Variants in COL7A1 observed in about 807,000 individuals in gnomAD.
The protein encoded by COL7A1 is collagen type VII alpha 1 chain.
Under a neutral mutation model 456.2 loss-of-function variants are expected in COL7A1, and 296 were observed. That is an observed-to-expected ratio of 0.65 (90% CI 0.59 to 0.71). The LOEUF (loss-of-function observed/expected upper bound fraction) is 0.71, where lower values mean the gene tolerates loss of function less well. COL7A1 is among the 30% of genes least tolerant of loss of function. The pLI, the probability that COL7A1 is intolerant of heterozygous loss-of-function variation, is 0.00. For missense variants in COL7A1, 3,441 were observed against 4,017.2 expected, an observed-to-expected ratio of 0.86 and a Z score of 3.88; for synonymous variants, 1,464 against 1,525.9, an observed-to-expected ratio of 0.96 and a Z score of 0.95.
rs746772423 is a variant in COL7A1, at chr3:48,581,558, C to T, written c.4782+15G>A. On this transcript the variant is annotated intron_variant, in intron 50 of 118. Transcript: ENST00000681320. This position sits in a 1 kb window ranked among gnomAD's most constrained non-coding sequence, Gnocchi z 5.8. ...ATCTCCCTCTGTCACACTCCCCATT[C>T]CCACATTGATTCACCCGGTCTCCAG... 3 of 1,614,084 alleles carry T rather than the reference C, an allele frequency of 1.9e-6. No homozygotes were observed. In the South Asian group the frequency reaches 3.3e-5, roughly 18 times the overall value.
At position 48,568,025 on chromosome 3, in the gene COL7A1, G is replaced by A; in HGVS notation, c.7875+65C>T. ...CCCAGTGCCCTAATATCTGACCCCA[G>A]GTCCCTCGCCCTTCAACATTAGGCC... On this transcript the variant is annotated intron_variant, in intron 106 of 118. Transcript: ENST00000681320. The surrounding 1 kb of genome is among the most constrained non-coding windows in gnomAD (Gnocchi z 5.2). The A allele has an allele frequency of 1.2e-6, 2 of 1,606,468 alleles. No homozygotes were observed. The highest frequency in any genetic ancestry group is 1.7e-6 in the Non-Finnish European group (2 of 1,173,104).
In COL7A1 at chr3:48,583,747, C is replaced by A. The variant is rs148625586; in HGVS notation, c.4312G>T (p.Val1438Phe). The change falls in exon 40 of 119, where the codon GTT becomes TTT. Residue 1438 changes from valine (V) to phenylalanine (F), a missense_variant. By Grantham distance (50) the Val-to-Phe change is conservative. This residue lies in a region of COL7A1 where 2,084 missense variants were observed against 2,501.3 expected (regional missense o/e 0.83). Coordinates refer to ENST00000681320, the MANE Select transcript of COL7A1 (RefSeq NM_000094.4). This position sits in a 1 kb window ranked among gnomAD's most constrained non-coding sequence, Gnocchi z 5.1. ...TCTCCTTTCTTTCCAGGGGGGCCAACGGGGCCTTGGGGTCCAGGGCTTCCG... is the reference window on the plus strand; with the variant it reads ...TCTCCTTTCTTTCCAGGGGGGCCAAAGGGGCCTTGGGGTCCAGGGCTTCCG... The part of the protein sequence containing the change: ...LPGSPGPQGP[V>F]GPPGKKGEKG... The A allele has an allele frequency of 6.2e-7, 1 of 1,613,906 alleles. No homozygotes were observed. The highest frequency in any genetic ancestry group is 8.5e-7 in the Non-Finnish European group (1 of 1,179,942).
rs2044709644 is a variant in COL7A1, at chr3:48,580,937, A to G, written c.4936-11T>C. The G allele has an allele frequency of 6.2e-7, 1 of 1,613,990 alleles. No individual in the cohort carries two copies. On this transcript the variant is annotated splice_polypyrimidine_tract_variant and intron_variant, in intron 53 of 118. Coordinates refer to ENST00000681320, the MANE Select transcript of COL7A1 (RefSeq NM_000094.4). This position sits in a 1 kb window ranked among gnomAD's most constrained non-coding sequence, Gnocchi z 4.5. The stretch of plus-strand genomic sequence containing the variant: ...CAAACCCGGGTCACCCTGGTGATAG[A>G]GAGAAAAGTCATACTGCACAGGGCA...
rs2044726502 is a variant in COL7A1, at chr3:48,581,154, C to T, written c.4903G>A (p.Glu1635Lys). Residue 1635 changes from glutamate to lysine, a missense_variant, in exon 53 of 119, where the codon GAA (glutamate) becomes AAA (lysine). By Grantham distance (56) the Glu-to-Lys change is moderately conservative. Coordinates refer to ENST00000681320, the MANE Select transcript of COL7A1 (RefSeq NM_000094.4). The surrounding 1 kb of genome is among the most constrained non-coding windows in gnomAD (Gnocchi z 5.8). The part of the protein sequence containing the change: ...GPVGPRGRDG[E>K]VGEKGDEGPP... Reference sequence around the variant, plus strand: ...CCCTCGTCACCTTTCTCTCCAACTTCACCCTGTGAAACATGAGAGTCAGCC... The same window carrying T: ...CCCTCGTCACCTTTCTCTCCAACTTTACCCTGTGAAACATGAGAGTCAGCC... 2 of 1,613,828 alleles carry T rather than the reference C, an allele frequency of 1.2e-6. No individual in the cohort carries two copies. Among genetic ancestry groups the T allele is most frequent in the Admixed American group, 3.3e-5 (2 of 59,998 alleles).
In COL7A1 at chr3:48,588,932, C is replaced by T. The variant is rs756289056; in HGVS notation, c.2378G>A (p.Arg793Gln). The T allele has an allele frequency of 5.6e-6, 9 of 1,613,512 alleles. No homozygotes were observed. The highest frequency in any genetic ancestry group is 2.7e-5 in the African/African-American group (2 of 74,940). Residue 793 changes from arginine (R) to glutamine (Q), a missense_variant, in exon 19 of 119, where the codon CGG becomes CAG. Arg to Gln is a conservative substitution (Grantham distance 43, BLOSUM62 1). Transcript: ENST00000681320. The surrounding 1 kb of genome is among the most constrained non-coding windows in gnomAD (Gnocchi z 4.6). ...TCCAGTGACCCCTACCCAGGTGATC[C>T]GTAGAACGTCGCTGGAAGCATTGAG... ...QILNASSDVL[R>Q]ITWVGVTGAT... is the part of the protein sequence containing the mutation.
In COL7A1 at chr3:48,564,789, C is replaced by T; in HGVS notation, c.8812G>A (p.Gly2938Arg). 6.2e-7 allele frequency: 1 copy of T among 1,613,678 alleles called. No individual in the cohort carries two copies. The highest frequency in any genetic ancestry group is 8.5e-7 in the Non-Finnish European group (1 of 1,179,906). Reference protein sequence around the residue: ...RCPPRVVQSQGTGTAQD With the variant: ...RCPPRVVQSQRTGTAQD ...GTGGGGGCTCAGCCCATACCTGTCCCCTGGCTCTGGACCACCCGGGGTGGG... is the reference window on the plus strand; with the variant it reads ...GTGGGGGCTCAGCCCATACCTGTCCTCTGGCTCTGGACCACCCGGGGTGGG... Residue 2938 changes from glycine (G) to arginine (R), a missense_variant, in exon 118 of 119, where the codon GGG becomes AGG. By Grantham distance (125) the Gly-to-Arg change is moderately radical. This residue lies in a region of COL7A1 where 2,084 missense variants were observed against 2,501.3 expected (regional missense o/e 0.83). Coordinates refer to ENST00000681320, the MANE Select transcript of COL7A1 (RefSeq NM_000094.4). The surrounding 1 kb of genome is among the most constrained non-coding windows in gnomAD (Gnocchi z 6.0).
Position 48,570,035 on chromosome 3 carries a change from G to A in COL7A1, c.7485+99C>T, listed in dbSNP as rs2043811072. On this transcript the variant is annotated intron_variant, in intron 99 of 118. Transcript: ENST00000681320. The surrounding 1 kb of genome is among the most constrained non-coding windows in gnomAD (Gnocchi z 5.5). ...AAGGGGACAGGGGTAGACGAGGAGG[G>A]CCAGAGGGCTAGGGAGGATGGCAGA... The A allele has an allele frequency of 1.3e-6, 2 of 1,592,316 alleles. No homozygotes were observed. Among genetic ancestry groups the A allele is most frequent in the South Asian group, 1.1e-5 (1 of 90,470 alleles).
In COL7A1 at chr3:48,588,701, C is replaced by T. The variant is rs747058637; in HGVS notation, c.2528G>A (p.Arg843Gln). The T allele has an allele frequency of 1.9e-6, 3 of 1,613,900 alleles. No individual in the cohort carries two copies. Among genetic ancestry groups the T allele is most frequent in the Admixed American group, 3.3e-5 (2 of 60,036 alleles). ...GLEGGVSYSV[R>Q]VTALVGDREG... ...GCGGTCCCCGACAAGTGCAGTCACT[C>T]GCACTGAGTAGCTGACTCCACCTTC... is the stretch of plus-strand genomic sequence containing the variant. Residue 843 changes from arginine (R) to glutamine (Q), a missense_variant, in exon 20 of 119, where the codon CGA becomes CAA. Transcript: ENST00000681320. The surrounding 1 kb of genome is among the most constrained non-coding windows in gnomAD (Gnocchi z 4.6).
Position 48,581,212 on chromosome 3 carries a change from A to T in COL7A1, c.4899+48T>A. ...CAAGAACCCCCATGATGCTGGCAAC[A>T]GCCCTACTCCCTTACCCGCCATGAC... On this transcript the variant is annotated intron_variant, in intron 52 of 118. Transcript: ENST00000681320. This position sits in a 1 kb window ranked among gnomAD's most constrained non-coding sequence, Gnocchi z 5.8. 2 of 1,610,292 alleles carry T rather than the reference A, an allele frequency of 1.2e-6. No homozygotes were observed. The highest frequency in any genetic ancestry group is 2.2e-5 in the South Asian group (2 of 90,740).
Position 48,579,432 on chromosome 3 carries a change from T to C in COL7A1, c.5272-28A>G. ...GGAGGGAACAGGGTCAGATAAGAGG[T>C]GAGGGTAAGATGGGGACTTGGCAGA... is the stretch of plus-strand genomic sequence containing the variant. On this transcript the variant is annotated intron_variant, in intron 60 of 118. Transcript: ENST00000681320. This position sits in a 1 kb window ranked among gnomAD's most constrained non-coding sequence, Gnocchi z 4.4. The C allele has an allele frequency of 6.2e-7, 1 of 1,613,866 alleles. No individual in the cohort carries two copies. The highest frequency in any genetic ancestry group is 8.5e-7 in the Non-Finnish European group (1 of 1,179,938).
chr3:48,592,430 G>T lies in COL7A1; in HGVS notation c.1014C>A (p.Thr338=). The change falls in exon 9 of 119, where the codon ACC becomes ACA. Residue 338 remains threonine (T), a synonymous_variant. Coordinates refer to ENST00000681320, the MANE Select transcript of COL7A1 (RefSeq NM_000094.4). This position sits in a 1 kb window ranked among gnomAD's most constrained non-coding sequence, Gnocchi z 7.6. The stretch of plus-strand genomic sequence containing the variant: ...AGGCCACCAGGAGGCTGTGGGCTGT[G>T]GTATTCTGGATGGTCAGTTCCGGCC... ...LEGPELTIQN[T]TAHSLLVAWR... is the part of the protein sequence containing the mutation. The T allele has an allele frequency of 1.2e-6, 2 of 1,613,810 alleles. No individual in the cohort carries two copies. Among genetic ancestry groups the T allele is most frequent in the Non-Finnish European group, 1.7e-6 (2 of 1,180,046 alleles).
chr3:48,591,501 A>T lies in COL7A1; in HGVS notation c.1599T>A (p.Gly533=). The T allele has an allele frequency of 6.2e-7, 1 of 1,613,984 alleles. No individual in the cohort carries two copies. Among genetic ancestry groups the T allele is most frequent in the South Asian group, 1.1e-5 (1 of 91,070 alleles). The change falls in exon 13 of 119, where the codon GGT becomes GGA. Residue 533 remains glycine, a synonymous_variant. Coordinates refer to ENST00000681320, the MANE Select transcript of COL7A1 (RefSeq NM_000094.4). This position sits in a 1 kb window ranked among gnomAD's most constrained non-coding sequence, Gnocchi z 7.0. ...RVRVSWSPVP[G]ATQYRIIVRS... The stretch of plus-strand genomic sequence containing the variant: ...GCACAATGATGCGGTACTGGGTGGC[A>T]CCAGGGACTGGGCTCCAGGACACTC...
chr3:48,576,871 C>T lies in COL7A1; in HGVS notation c.5604+13G>A. ...GTCAGGGGTCAGAGGTTGCAGAAAA[C>T]TCCAATACTCACTTCTCTCCCAGAG... On this transcript the variant is annotated intron_variant, in intron 67 of 118. Transcript: ENST00000681320. 6.2e-7 allele frequency: 1 copy of T among 1,614,104 alleles called. No homozygotes were observed. The highest frequency in any genetic ancestry group is 8.5e-7 in the Non-Finnish European group (1 of 1,180,030).
In COL7A1 at chr3:48,585,423, G is replaced by C. The variant is rs754523611; in HGVS notation, c.3894+134C>G. ...CAGAGTGTCCCCCAAAGTCTCTGTG[G>C]TGGTTTATAACCTCCAGCTGGGCTT... is the stretch of plus-strand genomic sequence containing the variant. On this transcript the variant is annotated intron_variant, in intron 32 of 118. Coordinates refer to ENST00000681320, the MANE Select transcript of COL7A1 (RefSeq NM_000094.4). The surrounding 1 kb of genome is among the most constrained non-coding windows in gnomAD (Gnocchi z 4.5). The C allele has an allele frequency of 2.9e-4, 311 of 1,073,324 alleles. 1 individual carries two copies. Among genetic ancestry groups the C allele is most frequent in the Non-Finnish European group, 4.2e-4 (297 of 704,460 alleles). 66.5% of individuals were successfully genotyped at this position (1,073,324 alleles called of 1,614,324 possible). A position where few individuals can be genotyped will look rare whatever the true frequency, so the allele number is the denominator to read the frequency against.
At position 48,591,552 on chromosome 3, in the gene COL7A1, G is replaced by T; in HGVS notation, c.1548C>A (p.Ala516=). 2 of 1,613,832 alleles carry T rather than the reference G, an allele frequency of 1.2e-6. No individual in the cohort carries two copies. The highest frequency in any genetic ancestry group is 2.2e-5 in the South Asian group (2 of 91,084). ...GCACCCGCTGCCCGGGCAGCTCGGT[G>T]GCTTGCAGGTCTGTTACAGGGCTCA... ...LPVSPVTDLQ[A]TELPGQRVRV... The change falls in exon 13 of 119, where the codon GCC becomes GCA. Residue 516 remains alanine (A), a synonymous_variant. Coordinates refer to ENST00000681320, the MANE Select transcript of COL7A1 (RefSeq NM_000094.4). The surrounding 1 kb of genome is among the most constrained non-coding windows in gnomAD (Gnocchi z 7.0).
In COL7A1 at chr3:48,586,543, A is replaced by G; in HGVS notation, c.3403+20T>C. 6.2e-7 allele frequency: 1 copy of G among 1,613,758 alleles called. No individual in the cohort carries two copies. The highest frequency in any genetic ancestry group is 1.1e-5 in the South Asian group (1 of 91,080). On this transcript the variant is annotated intron_variant, in intron 26 of 118. Transcript: ENST00000681320. The surrounding 1 kb of genome is among the most constrained non-coding windows in gnomAD (Gnocchi z 5.1). ...TCCCAGTGGATAGCCCCAGGAGTCC[A>G]TGCCTGCTGCAGTCCTCACCCAGGT...
rs921061602 is a variant in COL7A1, at chr3:48,565,298, G to T, written c.8528-97C>A. ...CACTGTGTGCACACAGTGCCCATGCGTGTGCCCTGCATGCAGACCCTACGT... is the reference window on the plus strand; with the variant it reads ...CACTGTGTGCACACAGTGCCCATGCTTGTGCCCTGCATGCAGACCCTACGT... On this transcript the variant is annotated intron_variant, in intron 116 of 118. Transcript: ENST00000681320. This position sits in a 1 kb window ranked among gnomAD's most constrained non-coding sequence, Gnocchi z 4.5. 1.3e-6 allele frequency: 2 copies of T among 1,482,650 alleles called. No individual in the cohort carries two copies. The highest frequency in any genetic ancestry group is 1.9e-6 in the Non-Finnish European group (2 of 1,077,236). The allele number at this position is 1,482,650 out of a possible 1,614,324, so 91.8% of individuals were successfully genotyped here.
Position 48,578,222 on chromosome 3 carries a change from G to C in COL7A1, c.5532+99C>G. The C allele has an allele frequency of 7.3e-7, 1 of 1,376,748 alleles. No individual in the cohort carries two copies. 85.3% of individuals were successfully genotyped at this position (1,376,748 alleles called of 1,614,324 possible). On this transcript the variant is annotated intron_variant, in intron 65 of 118. Coordinates refer to ENST00000681320, the MANE Select transcript of COL7A1 (RefSeq NM_000094.4). The surrounding 1 kb of genome is among the most constrained non-coding windows in gnomAD (Gnocchi z 4.7). ...TGTATGTCTGGGCCAGGATGCATGT[G>C]TCTACACGTGTGCCTCATGTGTTGC...
Position 48,594,930 on chromosome 3 carries a change from G to T in COL7A1, c.85+145C>A. 1 of 728,470 alleles carries T rather than the reference G, an allele frequency of 1.4e-6. No individual in the cohort carries two copies. Among genetic ancestry groups the T allele is most frequent in the Non-Finnish European group, 2.3e-6 (1 of 432,898 alleles). The allele number at this position is 728,470 out of a possible 1,614,324, so 45.1% of individuals were successfully genotyped here. ...ACCCAGCACCGATCGCGGAGGGTTC[G>T]GGGAGTCCCAGAATTAGGAGGAATC... On this transcript the variant is annotated intron_variant, in intron 2 of 118. Transcript: ENST00000681320. This position sits in a 1 kb window ranked among gnomAD's most constrained non-coding sequence, Gnocchi z 5.5.
Sources: allele counts gnomAD v4.1 joint callset, GRCh38; gene constraint gnomAD v4.1.1; regional missense constraint gnomAD v4.1.1; non-coding constraint Gnocchi (gnomAD v3.1); transcripts MANE v1.5; gene names NCBI Gene and HGNC (gene_info 2026-07-23, HGNC 2026-07-21).